The following DENND5B variants were observed in gnomAD, a reference collection of about 807,000 sequenced individuals.
DENND5B encodes DENN domain-containing protein 5B.
DENND5B carries 34 observed loss-of-function variants against 140.6 expected under a neutral mutation model. That is an observed-to-expected ratio of 0.24 (90% CI 0.18 to 0.32). The LOEUF is 0.32. DENND5B is among the 10% of genes least tolerant of loss of function. The probability of loss-of-function intolerance (pLI) is 1.00; values close to 1 mark genes in which losing one functional copy is unlikely to be tolerated. For missense variants in DENND5B, 1,142 were observed against 1,560.2 expected (o/e 0.73, Z 4.52); for synonymous variants, 551 against 562.1 (o/e 0.98, Z 0.28).
intron 1 of DENND5B, chr12:31,499,745 G>A: frequency 2.4e-6 from 3 of 1,237,824 alleles, no homozygotes; most frequent in African/African-American, 3.1e-5. Context: ...TGACTTTGAA[G>A]AATGGAAAAT....
chr12:31,392,429 T>G (rs1941195233), intron 18 of DENND5B, 36 bp from the exon 19 acceptor site: 1 of 1,607,626 alleles, frequency 6.2e-7, no homozygotes, highest in Non-Finnish European at 8.5e-7. Flanking sequence ...AAGAAAAATC[T>G]CCTGCATCTA....
intron 10 of DENND5B, among the ~76,000 whole-genome samples, chr12:31,424,085 G>C (rs954485471): frequency 6.6e-6 from 1 of 151,946 alleles, no homozygotes; most frequent in East Asian, 1.9e-4. Flanking sequence ...GGCGATAAGA[G>C]AAAAAAATCG....
At chr12:31,480,835 T>G (rs1237156576) in intron 2 of DENND5B, among the ~76,000 whole-genome samples, 1 of 152,142 alleles carries the variant, frequency 6.6e-6, no homozygotes, top group Non-Finnish European at 1.5e-5. Flanking sequence ...CTTTGGAAAT[T>G]GAAAGCTTTT....
At chr12:31,404,635 G>T (rs1942011672) in intron 14 of DENND5B, among the ~76,000 whole-genome samples, 1 of 151,808 alleles carries the variant, frequency 6.6e-6, no homozygotes, top group Non-Finnish European at 1.5e-5. Context: ...TGTACTTTTA[G>T]TAGAGAAGGG....
chr12:31,568,945 CTGGTA>C (rs1949721583), intron 1 of DENND5B, among the ~76,000 whole-genome samples: 1 of 151,740 alleles, frequency 6.6e-6, no homozygotes, highest in Admixed American at 6.6e-5. Flanking sequence ...AGACAAGGGT[CTGGTA>C]TGTTGCTCAG....
intron 4 of DENND5B, among the ~76,000 whole-genome samples, chr12:31,457,706 C>T (rs1006387068): frequency 2.0e-5 from 3 of 151,534 alleles, no homozygotes; most frequent in East Asian, 1.9e-4. Flanking sequence ...AGAAGCACTG[C>T]TATTTTCTTT....
At chr12:31,449,337 C>A (rs184336869) in intron 5 of DENND5B, among the ~76,000 whole-genome samples, 3 of 152,224 alleles carry the variant, frequency 2.0e-5, no homozygotes, top group African/African-American at 7.2e-5. Context: ...ATACATAAAT[C>A]CAAATAACCA....
In DENND5B at chr12:31,403,059, T is replaced by C. The variant is rs190329769; in HGVS notation, c.2804-416A>G. On this transcript the variant is annotated intron_variant, in intron 14 of 20. Transcript: ENST00000389082. Reference sequence around the variant, plus strand: ...GAACATGATTACTGATATGGTTTTATATAAAAAGAGGGGTGGATGACTTCT... The same window carrying C: ...GAACATGATTACTGATATGGTTTTACATAAAAAGAGGGGTGGATGACTTCT... Among the ~76,000 whole-genome samples the C allele has an allele frequency of 1.2e-3, 189 of 152,346 alleles. 3 individuals carry two copies. The South Asian group carries it at 0.015, about 12-fold the overall frequency.
At chr12:31,584,003 A>T (rs1416164989) in intron 1 of DENND5B, among the ~76,000 whole-genome samples, 1 of 152,236 alleles carries the variant, frequency 6.6e-6, no homozygotes, top group African/African-American at 2.4e-5. Flanking sequence ...CCATTCAGTA[A>T]ATTATAGAAG....
At chr12:31,499,141 G>T (rs1206367619) in intron 1 of DENND5B, among the ~76,000 whole-genome samples, 6 of 151,626 alleles carry the variant, frequency 4.0e-5, no homozygotes, top group African/African-American at 1.5e-4. Flanking sequence ...AGAATTTACT[G>T]CTGGGAAAAA....
chr12:31,491,538 A>G (rs986043685), intron 2 of DENND5B, among the ~76,000 whole-genome samples: 11 of 152,168 alleles, frequency 7.2e-5, no homozygotes, highest in African/African-American at 2.7e-4. Context: ...AAGAAAAGAA[A>G]GCAAAGAAAG....
intron 1 of DENND5B, among the ~76,000 whole-genome samples, chr12:31,521,644 C>T (rs1200505684): frequency 6.6e-6 from 1 of 152,116 alleles, no homozygotes; most frequent in Non-Finnish European, 1.5e-5. Context: ...TCCTGTATAT[C>T]TAGCGTCAAC....
chr12:31,585,837 T>C (rs1430914315), intron 1 of DENND5B, among the ~76,000 whole-genome samples: 2 of 152,200 alleles, frequency 1.3e-5, no homozygotes, highest in Non-Finnish European at 2.9e-5. Context: ...GGAAAAGATC[T>C]AAACAAAGTT....
intron 5 of DENND5B, 77 bp from the exon 6 acceptor site, chr12:31,447,846 T>A: frequency 2.0e-6 from 2 of 987,902 alleles, no homozygotes; most frequent in Non-Finnish European, 3.0e-6. Context: ...AAAATTATGT[T>A]AACTCAGGAC....
chr12:31,445,946 C>A (rs1052904202), intron 6 of DENND5B, among the ~76,000 whole-genome samples: 2 of 144,120 alleles, frequency 1.4e-5, no homozygotes, highest in Non-Finnish European at 3.1e-5. Flanking sequence ...GAAGTTGAGG[C>A]TGCAGTGAGC....
At chr12:31,551,654 C>G (rs1399197102) in intron 1 of DENND5B, among the ~76,000 whole-genome samples, 1 of 152,122 alleles carries the variant, frequency 6.6e-6, no homozygotes. Context: ...TTACCTTGGG[C>G]AGTATGGCCA....
At chr12:31,522,628 G>C (rs998654913) in intron 1 of DENND5B, among the ~76,000 whole-genome samples, 1 of 152,004 alleles carries the variant, frequency 6.6e-6, no homozygotes, top group Admixed American at 6.6e-5. Context: ...ATTTTTTGTC[G>C]AGATGAGGTT....
Position 31,460,295 on chromosome 12 carries a change from G to A in DENND5B, c.991C>T (p.Pro331Ser), listed in dbSNP as rs1340137868. 1 of 1,613,954 alleles carries A rather than the reference G, an allele frequency of 6.2e-7. No homozygotes were observed. The highest frequency in any genetic ancestry group is 2.2e-5 in the East Asian group (1 of 44,870). Residue 331 changes from proline (P) to serine (S), a missense_variant, in exon 4 of 21, where the codon CCT becomes TCT. This residue lies in a region of DENND5B where 708 missense variants were observed against 905.5 expected (regional missense o/e 0.78). Coordinates refer to ENST00000389082, the MANE Select transcript of DENND5B (RefSeq NM_144973.4). ...QWQHVYVPILPASLLHFLDAP... is the reference protein window; with the variant it reads ...QWQHVYVPILSASLLHFLDAP... The stretch of plus-strand genomic sequence containing the variant: ...TCAAGAAAATGTAGCAGAGAAGCAG[G>A]TAGAATGGGCACATAAACATGTTGC...
intron 14 of DENND5B, among the ~76,000 whole-genome samples, chr12:31,405,220 AG>A (rs139666037): frequency 0.011 from 1,724 of 149,972 alleles, 19 homozygotes; most frequent in East Asian, 0.032. Flanking sequence ...AAAATTTTAA[AG>A]TTTTTTTTTT....
Sources: allele counts gnomAD v4.1 joint callset (sites outside exome capture counted in the v4.1 genomes callset), GRCh38; gene constraint gnomAD v4.1.1; regional missense constraint gnomAD v4.1.1; transcripts MANE v1.5; gene names NCBI Gene and HGNC (gene_info 2026-07-23, HGNC 2026-07-21).